DEAF1: variants seen among roughly 807,000 people sequenced by gnomAD.
The protein encoded by DEAF1 is deformed epidermal autoregulatory factor 1 homolog.
A neutral mutation model predicts 58.9 loss-of-function variants in DEAF1; 53 were observed. The ratio of observed to expected loss-of-function variants is 0.90; its 90% CI spans 0.72 to 1.13. DEAF1 has a LOEUF of 1.13. Among genes scored for constraint, DEAF1 ranks in the 50% most tolerant of loss-of-function variants. The pLI is 0.00. For synonymous variants in DEAF1, 385 were observed against 340.4 expected (o/e 1.13, Z -1.44); for missense variants, 685 against 791.4 (o/e 0.87, Z 1.61).
At chr11:654,631 T>C (rs1455674989) in intron 10 of DEAF1, 10 of 454,992 alleles carry the variant, frequency 2.2e-5, no homozygotes, top group South Asian at 1.5e-4. Context: ...TCCCAGGACT[T>C]TGGGCAGCCG....
At chr11:706,366 G>A (rs79951237) in intron 1 of DEAF1, 7,515 of 152,402 alleles carry the variant, frequency 0.049, 365 homozygotes, top group East Asian at 0.19. Context: ...GGGGCTTCTG[G>A]TTCAGGACAC....
intron 10 of DEAF1, among the ~76,000 whole-genome samples, chr11:665,422 G>A (rs970538270): frequency 6.6e-6 from 1 of 152,170 alleles, no homozygotes; most frequent in Admixed American, 6.6e-5. Context: ...GGAACACATC[G>A]CTTCTAACAC....
At chr11:672,048 G>A (rs975006693) in intron 10 of DEAF1, among the ~76,000 whole-genome samples, 10 of 152,078 alleles carry the variant, frequency 6.6e-5, no homozygotes, top group African/African-American at 2.4e-4. Flanking sequence ...TGGTGTTGCT[G>A]GTGTTTGGAG....
chr11:679,850 G>C (rs753157706), intron 7 of DEAF1, 34 bp from the exon 8 acceptor site: 1 of 1,610,164 alleles, frequency 6.2e-7, no homozygotes, highest in Admixed American at 1.7e-5. Context: ...ACGCGGCCAG[G>C]CAGTGGCGCC....
chr11:653,931 G>A (rs760989521), intron 11 of DEAF1, 31 bp downstream of exon 11: 5 of 1,602,038 alleles, frequency 3.1e-6, no homozygotes, highest in African/African-American at 1.3e-5. Context: ...GAGGAGGCGG[G>A]GGCACTGAGC....
intron 6 of DEAF1, 99 bp from the exon 7 acceptor site, chr11:681,188 T>C (rs1488385126): frequency 6.5e-7 from 1 of 1,531,352 alleles, no homozygotes; most frequent in Non-Finnish European, 9.0e-7. Flanking sequence ...GGTGTGTGAG[T>C]CACATGGTGA....
chr11:703,269 T>C (rs1590040123), intron 1 of DEAF1: 1 of 1,445,986 alleles, frequency 6.9e-7, no homozygotes, highest in African/African-American at 1.4e-5. Context: ...TGGCCATAGA[T>C]GGTTTTGGAT....
intron 11 of DEAF1, among the ~76,000 whole-genome samples, chr11:652,904 TGA>T (rs920666417): frequency 6.6e-6 from 1 of 151,648 alleles, no homozygotes; most frequent in African/African-American, 2.4e-5. Context: ...CCCAACGTGG[TGA>T]GACCCCGTCT....
At chr11:653,900 C>T in intron 11 of DEAF1, 62 bp downstream of exon 11, 1 of 1,501,476 alleles carries the variant, frequency 6.7e-7, no homozygotes. Context: ...GGAGGGCCAC[C>T]CAGGGGTCTT....
chr11:700,292 T>G, intron 1 of DEAF1: 1 of 1,484,010 alleles, frequency 6.7e-7, no homozygotes. Flanking sequence ...TTTGGGAGGC[T>G]GAGGTGGGCG....
intron 5 of DEAF1, among the ~76,000 whole-genome samples, chr11:686,291 C>A (rs75571284): frequency 8.5e-3 from 849 of 99,600 alleles, no homozygotes; most frequent in South Asian, 0.012. Context: ...GACTCTGTCT[C>A]AAAAAAAAAA....
chr11:702,497 T>A (rs1474724639), intron 1 of DEAF1, among the ~76,000 whole-genome samples: 2 of 152,332 alleles, frequency 1.3e-5, no homozygotes, highest in South Asian at 2.1e-4. Context: ...CCCATTTGTT[T>A]GCTAAATACG....
chr11:701,684 C>T (rs549346407), intron 1 of DEAF1, among the ~76,000 whole-genome samples: 1 of 152,274 alleles, frequency 6.6e-6, no homozygotes, highest in Non-Finnish European at 1.5e-5. Context: ...GCTGGGATTA[C>T]AGGCGTGAGC....
chr11:672,098 G>A (rs1237125503), intron 10 of DEAF1, among the ~76,000 whole-genome samples: 1 of 152,178 alleles, frequency 6.6e-6, no homozygotes, highest in Non-Finnish European at 1.5e-5. Flanking sequence ...TCCTATGGAA[G>A]GCTTCTGGAC....
chr11:700,879 G>A, intron 1 of DEAF1: 1 of 665,606 alleles, frequency 1.5e-6, no homozygotes, highest in Non-Finnish European at 2.7e-6. Flanking sequence ...TATTAATCAA[G>A]AAGTTTTGTC....
chr11:693,054 A>G (rs1226494567), intron 1 of DEAF1, among the ~76,000 whole-genome samples: 1 of 152,220 alleles, frequency 6.6e-6, no homozygotes, highest in Non-Finnish European at 1.5e-5. Context: ...CTGCTGAGTT[A>G]CTTAAACCTG....
At chr11:702,171 C>G (rs1235217520) in intron 1 of DEAF1, among the ~76,000 whole-genome samples, 1 of 152,204 alleles carries the variant, frequency 6.6e-6, no homozygotes, top group Non-Finnish European at 1.5e-5. Context: ...GCCTCAGACA[C>G]ACTAGGAGGA....
chr11:645,076 C>CT, intron 11 of DEAF1, among the ~76,000 whole-genome samples: 1 of 150,458 alleles, frequency 6.6e-6, no homozygotes. Context: ...GGCAGGAGAA[C>CT]TGCTCAGCCC....
chr11:695,689 C>T, upstream of DEAF1: 2 of 1,243,576 alleles, frequency 1.6e-6, no homozygotes, highest in East Asian at 3.2e-5. Flanking sequence ...GGGCCTCGGC[C>T]GTGGCTCGGA....
Sources: gnomAD v4.1 joint callset for allele counts (sites outside exome capture counted in the v4.1 genomes callset) on GRCh38, gnomAD v4.1.1 for gene constraint, MANE v1.5 for transcripts, NCBI Gene and HGNC (gene_info 2026-07-23, HGNC 2026-07-21) for gene names.